The following LTBP1 variants were observed in gnomAD, a reference collection of about 807,000 sequenced individuals.
LTBP1 encodes latent transforming growth factor beta binding protein 1, also known as latent-transforming growth factor beta-binding protein 1.
Under a neutral mutation model 207.6 loss-of-function variants are expected in LTBP1, and 129 were observed. The observed-to-expected ratio is 0.62, with a 90% confidence interval of 0.54 to 0.72. The LOEUF (loss-of-function observed/expected upper bound fraction) is 0.72. LTBP1 is among the 30% of genes least tolerant of loss of function. The pLI, the probability that LTBP1 is intolerant of heterozygous loss-of-function variation, is 0.00. For synonymous variants in LTBP1, 963 were observed against 833.7 expected (o/e 1.16, Z -2.67); for missense variants, 2,281 against 2,217.2 (o/e 1.03, Z -0.58).
At chr2:33,356,003 T>C (rs2094854094) in intron 26 of LTBP1, among the ~76,000 whole-genome samples, 3 of 152,236 alleles carry the variant, frequency 2.0e-5, no homozygotes, top group Admixed American at 2.0e-4. Flanking sequence ...ATCCACTTTC[T>C]GTTACCGAAC....
At chr2:33,024,705 G>A (rs1359432919) in intron 3 of LTBP1, among the ~76,000 whole-genome samples, 1 of 152,166 alleles carries the variant, frequency 6.6e-6, no homozygotes, top group African/African-American at 2.4e-5. Flanking sequence ...AAAGATGGTT[G>A]GATTCAGATA....
intron 9 of LTBP1, among the ~76,000 whole-genome samples, chr2:33,239,739 A>C (rs74442390): frequency 2.3e-5 from 1 of 43,634 alleles, no homozygotes; most frequent in Non-Finnish European, 6.2e-5. Flanking sequence ...CTAAAAATAC[A>C]AAAAAAAAAA....
chr2:33,112,077 T>G (rs983707143), intron 4 of LTBP1, among the ~76,000 whole-genome samples: 1 of 151,888 alleles, frequency 6.6e-6, no homozygotes, highest in African/African-American at 2.4e-5. Context: ...CAGATGACAA[T>G]TTTTTTAAAA....
intron 3 of LTBP1, among the ~76,000 whole-genome samples, chr2:33,105,510 C>G (rs978795986): frequency 6.6e-6 from 1 of 151,424 alleles, no homozygotes; most frequent in African/African-American, 2.4e-5. Flanking sequence ...GATCTTGGCT[C>G]ATTGCAACCT....
At position 33,257,407 on chromosome 2, in the gene LTBP1, C is replaced by T. The variant is rs760181325; in HGVS notation, c.2291C>T (p.Pro764Leu). The change falls in exon 12 of 34, where the codon CCT becomes CTT. Residue 764 changes from proline to leucine, a missense_variant. Transcript: ENST00000404816. ...TTTGTCAAGCCAAAGAACACTCAAC[C>T]TGTTGCTAAAAGTACTCATCCTCCA... The part of the protein sequence containing the change: ...PVFVKPKNTQ[P>L]VAKSTHPPPL... 6.2e-6 allele frequency: 10 copies of T among 1,614,078 alleles called. No individual in the cohort carries two copies. Among genetic ancestry groups the T allele is most frequent in the Non-Finnish European group, 8.5e-6 (10 of 1,180,022 alleles).
rs2078805401 is a variant in LTBP1, at chr2:33,087,084, C to CTTTTTTTTTTTTTTTGTTTTTTTTTTTTT, written c.864-23483_864-23482insGTTTTTTTTTTTTTTTTTTTTTTTTTTTT. ...AGCACCAGGCTGTCCCTCCTTTATGCTTTTTTTTTTTTTTTTTTTTTTTTG... is the reference window on the plus strand; with the variant it reads ...AGCACCAGGCTGTCCCTCCTTTATGCTTTTTTTTTTTTTTTGTTTTTTTTTTTTTTTTTTTTTTTTTTTTTTTTTTTTTG... On this transcript the variant is annotated intron_variant, in intron 3 of 33. Transcript: ENST00000404816. Among the ~76,000 whole-genome samples, 2 of 89,024 alleles carry CTTTTTTTTTTTTTTTGTTTTTTTTTTTTT rather than the reference C, an allele frequency of 2.2e-5. 1 individual carries two copies. The highest frequency in any genetic ancestry group is 4.1e-5 in the Non-Finnish European group (2 of 48,368). The allele number at this position is 89,024 out of a possible 152,430, so 58.4% of individuals were successfully genotyped here.
chr2:33,162,863 C>T (rs2084583989), intron 5 of LTBP1, among the ~76,000 whole-genome samples: 1 of 152,152 alleles, frequency 6.6e-6, no homozygotes, highest in African/African-American at 2.4e-5. Context: ...TGTCATTAAA[C>T]CCAAGGCCAG....
chr2:33,362,375 A>G (rs1317888808), intron 28 of LTBP1, among the ~76,000 whole-genome samples: 1 of 152,002 alleles, frequency 6.6e-6, no homozygotes, highest in Non-Finnish European at 1.5e-5. Context: ...CAATTAAATA[A>G]TGAGAAGATT....
At chr2:32,965,318 C>T (rs537440668) in intron 2 of LTBP1, among the ~76,000 whole-genome samples, 10 of 152,282 alleles carry the variant, frequency 6.6e-5, no homozygotes, top group East Asian at 1.9e-4. Context: ...CTGTTACAAT[C>T]GATGAACCCC....
At chr2:33,053,364 C>G (rs868196392) in intron 3 of LTBP1, among the ~76,000 whole-genome samples, 7 of 152,312 alleles carry the variant, frequency 4.6e-5, no homozygotes, top group Middle Eastern at 3.4e-3. Flanking sequence ...TCATTATTCC[C>G]CAAAGTCCTA....
At chr2:33,149,044 C>G (rs1347722117) in intron 5 of LTBP1, among the ~76,000 whole-genome samples, 2 of 151,888 alleles carry the variant, frequency 1.3e-5, no homozygotes, top group Non-Finnish European at 2.9e-5. Context: ...GAAACCCCGT[C>G]TCTACTAAAA....
intron 15 of LTBP1, among the ~76,000 whole-genome samples, chr2:33,271,187 T>C (rs560600241): frequency 6.6e-6 from 1 of 152,324 alleles, no homozygotes; most frequent in South Asian, 2.1e-4. Flanking sequence ...ACCAAATTGG[T>C]ATTGTGGGAG....
At chr2:33,353,572 C>A (rs2094812348) in intron 26 of LTBP1, among the ~76,000 whole-genome samples, 1 of 152,156 alleles carries the variant, frequency 6.6e-6, no homozygotes, top group Non-Finnish European at 1.5e-5. Flanking sequence ...ACCCATCCCT[C>A]CCATTCCTAG....
At chr2:33,031,412 C>CA (rs2075684944) in intron 3 of LTBP1, among the ~76,000 whole-genome samples, 1 of 152,234 alleles carries the variant, frequency 6.6e-6, no homozygotes, top group Non-Finnish European at 1.5e-5. Context: ...TTCATTCCAT[C>CA]AGCAGATATT....
intron 3 of LTBP1, among the ~76,000 whole-genome samples, chr2:33,038,098 C>T (rs2076012461): frequency 6.6e-6 from 1 of 152,178 alleles, no homozygotes; most frequent in African/African-American, 2.4e-5. Context: ...TGGGGTACTA[C>T]CCATTCAGGT....
intron 3 of LTBP1, among the ~76,000 whole-genome samples, chr2:33,033,261 C>G (rs768606954): frequency 2.0e-5 from 3 of 151,546 alleles, no homozygotes; most frequent in Non-Finnish European, 2.9e-5. Flanking sequence ...TTTCATAGGA[C>G]AAAACATGTA....
At chr2:33,072,890 G>A (rs894538748) in intron 3 of LTBP1, among the ~76,000 whole-genome samples, 5 of 152,164 alleles carry the variant, frequency 3.3e-5, no homozygotes, top group African/African-American at 1.2e-4. Context: ...ATGTCTTATG[G>A]TCTACCACCA....
intron 8 of LTBP1, among the ~76,000 whole-genome samples, chr2:33,218,930 A>G (rs948731321): frequency 6.6e-6 from 1 of 152,124 alleles, no homozygotes; most frequent in Non-Finnish European, 1.5e-5. Context: ...TGTATTCTCA[A>G]ATGCCTTTTA....
intron 2 of LTBP1, among the ~76,000 whole-genome samples, chr2:33,015,462 T>C (rs1261556455): frequency 6.6e-6 from 1 of 152,176 alleles, no homozygotes; most frequent in African/African-American, 2.4e-5. Flanking sequence ...GTCAACCAAG[T>C]TTAGGCTCCT....
Sources: allele counts gnomAD v4.1 joint callset (sites outside exome capture counted in the v4.1 genomes callset), GRCh38; gene constraint gnomAD v4.1.1; transcripts MANE v1.5; gene names NCBI Gene and HGNC (gene_info 2026-07-23, HGNC 2026-07-21).